The following DAB2IP variants were observed in gnomAD, a reference collection of about 807,000 sequenced individuals.
DAB2IP encodes the protein DAB2 interacting protein.
A neutral mutation model predicts 107.2 loss-of-function variants in DAB2IP; 28 were observed. The observed-to-expected ratio is 0.26, with a 90% CI of 0.19 to 0.36. The LOEUF is 0.36. Among genes scored for constraint, DAB2IP ranks in the 10% least tolerant of loss-of-function variants. The probability of loss-of-function intolerance (pLI) is 1.00; values close to 1 mark genes in which losing one functional copy is unlikely to be tolerated. For synonymous variants in DAB2IP, 755 were observed against 706.4 expected (o/e 1.07, Z -1.09); for missense variants, 1,400 against 1,644.7 (o/e 0.85, Z 2.57).
chr9:121,781,522 G>T, exon 15 of DAB2IP: 2 of 1,614,030 alleles, frequency 1.2e-6, no homozygotes, highest in Non-Finnish European at 1.7e-6. Flanking sequence ...AGCGGCTGTG[G>T]ACTCCAAACA....
Position 121,710,452 on chromosome 9 carries a change from A to G in DAB2IP, c.362+10994A>G, listed in dbSNP as rs914594518. The stretch of plus-strand genomic sequence containing the variant: ...GCTCGGCTCAGTGACTGCCCCTCCT[A>G]TTTGCAACTTATCACTTATTCTCAA... On this transcript the variant is annotated intron_variant, in intron 3 of 15. Coordinates refer to ENST00000408936, the Ensembl canonical transcript of DAB2IP. Among the ~76,000 whole-genome samples, 4 of 152,124 alleles carry G rather than the reference A, an allele frequency of 2.6e-5. No homozygotes were observed. In the East Asian group the frequency reaches 7.7e-4, roughly 29 times the overall value.
intron 3 of DAB2IP, among the ~76,000 whole-genome samples, chr9:121,720,278 C>T (rs936593832): frequency 3.9e-5 from 6 of 152,202 alleles, no homozygotes; most frequent in African/African-American, 1.4e-4. Context: ...GGACCGGGCC[C>T]AGGCCTCCTC....
At chr9:121,679,413 T>TAC (rs3138857) in intron 2 of DAB2IP, among the ~76,000 whole-genome samples, 10,986 of 135,514 alleles carry the variant, frequency 0.081, 412 homozygotes, top group South Asian at 0.14. Flanking sequence ...TTTGTGCATG[T>TAC]ACACACACAC....
chr9:121,759,146 C>A, intron 5 of DAB2IP, 150 bp downstream of exon 5: 1 of 736,338 alleles, frequency 1.4e-6, no homozygotes, highest in Non-Finnish European at 2.3e-6. Context: ...TATTGGTGGA[C>A]TCTGAAAGAG....
intron 1 of DAB2IP, among the ~76,000 whole-genome samples, chr9:121,645,345 G>C (rs867401593): frequency 6.6e-6 from 1 of 152,178 alleles, no homozygotes; most frequent in South Asian, 2.1e-4. Flanking sequence ...GTCTCCCCTG[G>C]GCCACAGGAT....
At chr9:121,714,958 A>T (rs913966886) in intron 3 of DAB2IP, among the ~76,000 whole-genome samples, 6 of 152,258 alleles carry the variant, frequency 3.9e-5, no homozygotes, top group Non-Finnish European at 5.9e-5. Context: ...CCCTCCAGCC[A>T]TCCTAAGAAG....
chr9:121,700,312 C>T (rs1297322469), intron 3 of DAB2IP, among the ~76,000 whole-genome samples: 5 of 152,188 alleles, frequency 3.3e-5, no homozygotes. Flanking sequence ...GCCATCCTGT[C>T]CTCCAGGGGG....
chr9:121,640,331 G>C (rs775799524), intron 1 of DAB2IP, among the ~76,000 whole-genome samples: 1 of 151,584 alleles, frequency 6.6e-6, no homozygotes, highest in Non-Finnish European at 1.5e-5. Context: ...GTGGGAAGAC[G>C]GGCCTGTGTG....
At chr9:121,631,458 A>G (rs1348409058) in intron 1 of DAB2IP, among the ~76,000 whole-genome samples, 2 of 152,144 alleles carry the variant, frequency 1.3e-5, no homozygotes, top group Non-Finnish European at 2.9e-5. Context: ...AGGGAGGAGC[A>G]GGGTTCAACT....
chr9:121,769,125 C>G (rs772188497), intron 10 of DAB2IP, among the ~76,000 whole-genome samples: 1 of 152,220 alleles, frequency 6.6e-6, no homozygotes, highest in Non-Finnish European at 1.5e-5. Context: ...TTCACTGACC[C>G]CCAGCCTCAG....
intron 3 of DAB2IP, among the ~76,000 whole-genome samples, chr9:121,728,197 TG>T (rs960834521): frequency 4.2e-4 from 64 of 152,252 alleles, no homozygotes; most frequent in African/African-American, 1.5e-3. Context: ...CTTGGGACCT[TG>T]GGCAACTCAT....
chr9:121,675,752 G>A (rs1448449859), intron 1 of DAB2IP, among the ~76,000 whole-genome samples: 1 of 152,198 alleles, frequency 6.6e-6, no homozygotes, highest in African/African-American at 2.4e-5. Context: ...GTCATTGGTA[G>A]CTTGGCTGAG....
intron 1 of DAB2IP, among the ~76,000 whole-genome samples, chr9:121,667,317 C>T (rs1833484189): frequency 6.6e-6 from 1 of 152,042 alleles, no homozygotes; most frequent in African/African-American, 2.4e-5. Flanking sequence ...AGGCGTGAGC[C>T]ACCACGCCTG....
chr9:121,687,651 T>A (rs537682098), intron 2 of DAB2IP, among the ~76,000 whole-genome samples: 35 of 152,344 alleles, frequency 2.3e-4, no homozygotes, highest in African/African-American at 8.4e-4. Context: ...TTCTGCATAG[T>A]ACTCTGAGTC....
At chr9:121,731,302 C>T (rs1365339445) in intron 3 of DAB2IP, among the ~76,000 whole-genome samples, 1 of 152,180 alleles carries the variant, frequency 6.6e-6, no homozygotes, top group African/African-American at 2.4e-5. Context: ...CCTGTTTTCA[C>T]ATCTGTAAAA....
At position 121,699,484 on chromosome 9, in the gene DAB2IP, C is replaced by T; in HGVS notation, c.362+26C>T. 1 of 1,272,120 alleles carries T rather than the reference C, an allele frequency of 7.9e-7. No homozygotes were observed. Among genetic ancestry groups the T allele is most frequent in the Non-Finnish European group, 9.9e-7 (1 of 1,006,044 alleles). 78.8% of individuals were successfully genotyped at this position (1,272,120 alleles called of 1,614,324 possible). ...GTGAGCCCGCCGCCGCCGCCCGGTC[C>T]CCCGCGCCGCCGCCCCGGGCTGCGC... On this transcript the variant is annotated intron_variant, in intron 3 of 15. Transcript: ENST00000408936. This position sits in a 1 kb window ranked among gnomAD's most constrained non-coding sequence, Gnocchi z 6.2.
intron 3 of DAB2IP, among the ~76,000 whole-genome samples, chr9:121,724,968 T>G (rs1831149891): frequency 6.6e-6 from 1 of 151,992 alleles, no homozygotes; most frequent in African/African-American, 2.4e-5. Flanking sequence ...GGGACTTCAG[T>G]GAGGGTCAGG....
At chr9:121,748,981 C>T (rs1045894658) in intron 3 of DAB2IP, among the ~76,000 whole-genome samples, 2 of 152,190 alleles carry the variant, frequency 1.3e-5, no homozygotes, top group Non-Finnish European at 2.9e-5. Flanking sequence ...CTTACCTTGG[C>T]CTGAGGGAAC....
In DAB2IP at chr9:121,759,895, G is replaced by A. The variant is rs150710857; in HGVS notation, c.626G>A (p.Arg209Gln). Residue 209 changes from arginine (R) to glutamine (Q), a missense_variant, in exon 6 of 16, where the codon CGG becomes CAG. Physicochemically the swap from Arg to Gln is conservative, Grantham distance 43. This residue lies in a region of DAB2IP where 517 missense variants were observed against 748.6 expected (regional missense o/e 0.69). Transcript: ENST00000408936. ...CCCGTGCACATACAGGACAACAGCC[G>A]GCGTGTGGAGCACATCCTGAAGCTG... The A allele has an allele frequency of 8.7e-6, 14 of 1,612,834 alleles. No individual in the cohort carries two copies. In the African/African-American group the frequency reaches 1.6e-4, roughly 18 times the overall value.
Sources: gnomAD v4.1 joint callset for allele counts (sites outside exome capture counted in the v4.1 genomes callset) on GRCh38, gnomAD v4.1.1 for gene constraint, gnomAD v4.1.1 regional missense constraint, Gnocchi (gnomAD v3.1) non-coding constraint, MANE v1.5 for transcripts, NCBI Gene and HGNC (gene_info 2026-07-23, HGNC 2026-07-21) for gene names.